Variants in TNFRSF8 observed in about 807,000 individuals in gnomAD.
The protein encoded by TNFRSF8 is tumor necrosis factor receptor superfamily member 8.
In TNFRSF8, 26 loss-of-function variants were observed where a neutral mutation model predicts 70.8. The observed-to-expected ratio is 0.37, with a 90% CI of 0.27 to 0.51. The LOEUF is 0.51. TNFRSF8 is among the 20% of genes least tolerant of loss of function. The probability of loss-of-function intolerance (pLI) is 0.94; values close to 1 mark genes in which losing one functional copy is unlikely to be tolerated. For synonymous variants in TNFRSF8, 356 were observed against 339.2 expected, an observed-to-expected ratio of 1.05 and a Z score of -0.54; for missense variants, 720 against 807.9, an observed-to-expected ratio of 0.89 and a Z score of 1.32.
Position 12,121,445 on chromosome 1 carries a change from AG to A in TNFRSF8, c.947-1838del, listed in dbSNP as rs139546599. 3.7e-3 allele frequency among the ~76,000 whole-genome samples: 561 copies of A among 152,294 alleles called. 8 individuals carry two copies. The highest frequency in any genetic ancestry group is 0.013 in the African/African-American group (529 of 41,558). Reference sequence around the variant, plus strand: ...CAGGGCTCTGGGGGTGGAGAGGTGTAGTGACTGAGCATAACCCACTTCTAAT... The same window carrying A: ...CAGGGCTCTGGGGGTGGAGAGGTGTATGACTGAGCATAACCCACTTCTAAT... On this transcript the variant is annotated intron_variant, in intron 8 of 14. Transcript: ENST00000263932.
chr1:12,092,078 G>A (rs1202059165), intron 2 of TNFRSF8, among the ~76,000 whole-genome samples: 4 of 152,176 alleles, frequency 2.6e-5, no homozygotes, highest in African/African-American at 9.7e-5. Context: ...CGCCTGGCTT[G>A]TGGCAGCATA....
At chr1:12,111,635 G>A (rs1266664900) in intron 6 of TNFRSF8, among the ~76,000 whole-genome samples, 1 of 152,182 alleles carries the variant, frequency 6.6e-6, no homozygotes, top group Non-Finnish European at 1.5e-5. Flanking sequence ...GACAGGGTTG[G>A]GGGAAGCTGT....
chr1:12,078,966 G>C (rs1270088794), intron 1 of TNFRSF8, among the ~76,000 whole-genome samples: 5 of 152,212 alleles, frequency 3.3e-5, no homozygotes, highest in African/African-American at 1.2e-4. Flanking sequence ...TGCCCCTGCT[G>C]CTGGCCCGGG....
chr1:12,073,225 A>T (rs1273393215), intron 1 of TNFRSF8, among the ~76,000 whole-genome samples: 1 of 152,140 alleles, frequency 6.6e-6, no homozygotes, highest in Non-Finnish European at 1.5e-5. Context: ...TGATCGCAGG[A>T]CTGCACTCCA....
chr1:12,097,378 G>T (rs1641349597), intron 3 of TNFRSF8, among the ~76,000 whole-genome samples, 161 bp downstream of exon 3: 1 of 152,172 alleles, frequency 6.6e-6, no homozygotes, highest in African/African-American at 2.4e-5. Context: ...TTTGTGATTT[G>T]ATATCAGCCA....
Position 12,122,591 on chromosome 1 carries a change from G to C in TNFRSF8, c.947-693G>C, listed in dbSNP as rs529755143. Among the ~76,000 whole-genome samples the C allele has an allele frequency of 2.6e-5, 4 of 151,984 alleles. No homozygotes were observed. The South Asian group carries it at 8.3e-4, about 32-fold the overall frequency. Reference sequence around the variant, plus strand: ...GAATCCGGGAGGCAGAAGTTGCAATGAGCTGAGATCGTGCCACTGCACTCC... The same window carrying C: ...GAATCCGGGAGGCAGAAGTTGCAATCAGCTGAGATCGTGCCACTGCACTCC... On this transcript the variant is annotated intron_variant, in intron 8 of 14. Coordinates refer to ENST00000263932, the MANE Select transcript of TNFRSF8 (RefSeq NM_001243.5).
At chr1:12,104,933 G>A (rs2100996393) in intron 4 of TNFRSF8, among the ~76,000 whole-genome samples, 1 of 152,282 alleles carries the variant, frequency 6.6e-6, no homozygotes, top group South Asian at 2.1e-4. Flanking sequence ...TGAGAGATCT[G>A]GCCCCAGGCT....
chr1:12,064,865 G>C (rs760569696), intron 1 of TNFRSF8, among the ~76,000 whole-genome samples: 8 of 152,168 alleles, frequency 5.3e-5, no homozygotes, highest in Non-Finnish European at 1.2e-4. Flanking sequence ...AGAGTTTGGA[G>C]TGCCAAGGTC....
rs1157640678 is a variant in TNFRSF8, at chr1:12,138,422, C to T, written c.1529C>T (p.Thr510Ile). 6.2e-7 allele frequency: 1 copy of T among 1,611,712 alleles called. No homozygotes were observed. The highest frequency in any genetic ancestry group is 8.5e-7 in the Non-Finnish European group (1 of 1,178,390). The stretch of plus-strand genomic sequence containing the variant: ...GAGCCCCGGGTGTCCACGGAGCACA[C>T]CAATAACAAGATTGGTGAGTCAGCC... ...LPEPRVSTEHTNNKIEKIYIM... is the reference protein window; with the variant it reads ...LPEPRVSTEHINNKIEKIYIM... Residue 510 changes from threonine (T) to isoleucine (I), a missense_variant, in exon 14 of 15, where the codon ACC becomes ATC. Thr to Ile is a moderately conservative substitution (Grantham distance 89). Coordinates refer to ENST00000263932, the MANE Select transcript of TNFRSF8 (RefSeq NM_001243.5). The surrounding 1 kb of genome is among the most constrained non-coding windows in gnomAD (Gnocchi z 5.7).
At chr1:12,125,118 G>A (rs1557600887) in intron 10 of TNFRSF8, among the ~76,000 whole-genome samples, 1 of 152,220 alleles carries the variant, frequency 6.6e-6, no homozygotes, top group Non-Finnish European at 1.5e-5. Flanking sequence ...GGGCACTCAT[G>A]TGCACATTAA....
chr1:12,075,591 G>A (rs766325500), intron 1 of TNFRSF8, among the ~76,000 whole-genome samples: 7 of 152,196 alleles, frequency 4.6e-5, no homozygotes, highest in Non-Finnish European at 8.8e-5. Context: ...CTGAAAGTCA[G>A]CGGGTTCACA....
rs1641791490 is a variant in TNFRSF8 at position 12,119,501 on chromosome 1, A to G, written c.946+3772A>G. 6.6e-6 allele frequency among the ~76,000 whole-genome samples: 1 copy of G among 151,296 alleles called. No homozygotes were observed. The highest frequency in any genetic ancestry group is 1.5e-5 in the Non-Finnish European group (1 of 67,896). ...TTTTATCTACCTGCCGGTTGATGGC[A>G]TTTGGGTTGTTTCCAGTTTAGGGCT... On this transcript the variant is annotated intron_variant, in intron 8 of 14. Transcript: ENST00000263932. This position sits in a 1 kb window ranked among gnomAD's most constrained non-coding sequence, Gnocchi z 4.4.
chr1:12,103,130 G>A (rs553790025), intron 3 of TNFRSF8, among the ~76,000 whole-genome samples: 23 of 152,158 alleles, frequency 1.5e-4, no homozygotes, highest in African/African-American at 4.1e-4. Flanking sequence ...TTGGGAGGCC[G>A]AGGCGGGTGG....
At chr1:12,070,825 C>T (rs1412947231) in intron 1 of TNFRSF8, among the ~76,000 whole-genome samples, 1 of 152,148 alleles carries the variant, frequency 6.6e-6, no homozygotes, top group African/African-American at 2.4e-5. Flanking sequence ...TGCCCATGCT[C>T]AAGTACCAGT....
intron 3 of TNFRSF8, among the ~76,000 whole-genome samples, chr1:12,100,783 C>T (rs1231731944): frequency 2.6e-5 from 4 of 152,048 alleles, no homozygotes; most frequent in Non-Finnish European, 5.9e-5. Flanking sequence ...ATGGTGAAAC[C>T]CCATCTCTAC....
chr1:12,138,177 C>A lies in TNFRSF8; in HGVS notation c.1336-52C>A. The A allele has an allele frequency of 6.3e-7, 1 of 1,584,234 alleles. No individual in the cohort carries two copies. Among genetic ancestry groups the A allele is most frequent in the Non-Finnish European group, 8.6e-7 (1 of 1,159,884 alleles). On this transcript the variant is annotated intron_variant, in intron 13 of 14. Transcript: ENST00000263932. This position sits in a 1 kb window ranked among gnomAD's most constrained non-coding sequence, Gnocchi z 5.7. ...AAAAAGGGGCCTCCCAGTTCAGAGA[C>A]TGGTGGGGAGGTTGGGGGTACCCTG...
At position 12,138,109 on chromosome 1, in the gene TNFRSF8, A is replaced by T; in HGVS notation, c.1336-120A>T. The stretch of plus-strand genomic sequence containing the variant: ...CCCGGGGCAGCTCATGGCAGCTTTT[A>T]AAGCAGAAAGGGGGACTCACTGGGG... On this transcript the variant is annotated intron_variant, in intron 13 of 14. Transcript: ENST00000263932. The surrounding 1 kb of genome is among the most constrained non-coding windows in gnomAD (Gnocchi z 5.7). The T allele has an allele frequency of 2.9e-6, 3 of 1,047,666 alleles. No individual in the cohort carries two copies. The highest frequency in any genetic ancestry group is 4.1e-6 in the Non-Finnish European group (3 of 734,740). 64.9% of individuals were successfully genotyped at this position (1,047,666 alleles called of 1,614,324 possible).
At chr1:12,093,423 G>C (rs1267746208) in intron 2 of TNFRSF8, among the ~76,000 whole-genome samples, 1 of 152,202 alleles carries the variant, frequency 6.6e-6, no homozygotes, top group African/African-American at 2.4e-5. Flanking sequence ...TGGGAGTGCA[G>C]GCTGGGGAAT....
In TNFRSF8 at chr1:12,138,160, G is replaced by T; in HGVS notation, c.1336-69G>T. ...TCTGTAGAGATGAAAAAAAAAAGGG[G>T]CCTCCCAGTTCAGAGACTGGTGGGG... On this transcript the variant is annotated intron_variant, in intron 13 of 14. Transcript: ENST00000263932. The surrounding 1 kb of genome is among the most constrained non-coding windows in gnomAD (Gnocchi z 5.7). 6.6e-7 allele frequency: 1 copy of T among 1,511,890 alleles called. No homozygotes were observed. The highest frequency in any genetic ancestry group is 2.3e-5 in the East Asian group (1 of 43,972). The allele number at this position is 1,511,890 out of a possible 1,614,324, so 93.7% of individuals were successfully genotyped here.
Sources: allele counts gnomAD v4.1 joint callset (sites outside exome capture counted in the v4.1 genomes callset), GRCh38; gene constraint gnomAD v4.1.1; non-coding constraint Gnocchi (gnomAD v3.1); transcripts MANE v1.5; gene names NCBI Gene and HGNC (gene_info 2026-07-23, HGNC 2026-07-21).